Variants in DNM3 observed in about 807,000 individuals in gnomAD.
The protein encoded by DNM3 is dynamin-3.
Under a neutral mutation model 101.6 loss-of-function variants are expected in DNM3, and 47 were observed. That is an observed-to-expected ratio of 0.46 (90% CI 0.37 to 0.59). The LOEUF is 0.59. Ranked by LOEUF, DNM3 falls within the 20% of genes least tolerant of loss-of-function variation. The probability of loss-of-function intolerance (pLI) is 0.00; values close to 1 mark genes in which losing one functional copy is unlikely to be tolerated. For missense variants in DNM3, 849 were observed against 1,085.7 expected (o/e 0.78, Z 3.06); for synonymous variants, 385 against 387.9 (o/e 0.99, Z 0.09).
chr1:172,362,153 T>C (rs1558044041), intron 17 of DNM3, among the ~76,000 whole-genome samples: 1 of 152,088 alleles, frequency 6.6e-6, no homozygotes, highest in African/African-American at 2.4e-5. Context: ...AAAGAAAAAT[T>C]CCACTTTCAC....
intron 17 of DNM3, among the ~76,000 whole-genome samples, chr1:172,329,639 G>A (rs374740482): frequency 1.1e-4 from 16 of 152,016 alleles, no homozygotes; most frequent in South Asian, 1.0e-3. Context: ...TAAAGCTTTC[G>A]TATGAGACAG....
intron 14 of DNM3, among the ~76,000 whole-genome samples, chr1:172,190,693 T>C (rs1234406034): frequency 1.3e-5 from 2 of 152,212 alleles, no homozygotes; most frequent in East Asian, 3.8e-4. Context: ...TCCTGACTTT[T>C]TAATGATTGC....
At chr1:172,305,209 C>T (rs549419912) in intron 15 of DNM3, among the ~76,000 whole-genome samples, 13 of 151,966 alleles carry the variant, frequency 8.6e-5, no homozygotes, top group African/African-American at 2.4e-4. Context: ...ATATCATCAC[C>T]GATCCCACAG....
At chr1:172,357,572 G>A (rs1397926129) in intron 17 of DNM3, among the ~76,000 whole-genome samples, 1 of 151,952 alleles carries the variant, frequency 6.6e-6, no homozygotes, top group Non-Finnish European at 1.5e-5. Context: ...AAAAGACTGA[G>A]GTATTGCTCC....
chr1:172,300,421 T>C (rs1182788516), intron 15 of DNM3, among the ~76,000 whole-genome samples: 4 of 152,218 alleles, frequency 2.6e-5, no homozygotes, highest in Non-Finnish European at 5.9e-5. Context: ...ATTTTTATTT[T>C]TGTTGTAATT....
chr1:172,228,095 AC>A (rs1448755370), intron 14 of DNM3, among the ~76,000 whole-genome samples: 1 of 151,950 alleles, frequency 6.6e-6, no homozygotes, highest in Non-Finnish European at 1.5e-5. Flanking sequence ...TATTGCCAAT[AC>A]TTTTCTCAAT....
intron 1 of DNM3, among the ~76,000 whole-genome samples, chr1:171,862,433 G>A (rs2034274638): frequency 6.6e-6 from 1 of 152,110 alleles, no homozygotes. Flanking sequence ...TACTGATACA[G>A]GCATGCTACA....
At chr1:172,073,295 A>G (rs540938099) in intron 11 of DNM3, among the ~76,000 whole-genome samples, 1,062 of 77,156 alleles carry the variant, frequency 0.014, 19 homozygotes, top group African/African-American at 0.029. Flanking sequence ...ATATACACAT[A>G]TAAGTATATG....
intron 15 of DNM3, among the ~76,000 whole-genome samples, chr1:172,269,210 A>G (rs1326510887): frequency 6.6e-6 from 1 of 152,210 alleles, no homozygotes; most frequent in Non-Finnish European, 1.5e-5. Flanking sequence ...ACGGCTATGT[A>G]AAGTTCAAGA....
chr1:171,941,427 A>C (rs1257968048), intron 2 of DNM3, among the ~76,000 whole-genome samples: 1 of 152,230 alleles, frequency 6.6e-6, no homozygotes, highest in African/African-American at 2.4e-5. Flanking sequence ...ATATGAAGAA[A>C]TAATATGACT....
At chr1:172,269,891 G>A (rs956629684) in intron 15 of DNM3, among the ~76,000 whole-genome samples, 14 of 152,104 alleles carry the variant, frequency 9.2e-5, no homozygotes, top group African/African-American at 3.1e-4. Flanking sequence ...GCAGGATTGC[G>A]AAAATATCCC....
chr1:172,145,504 T>G (rs2148193165), intron 14 of DNM3, among the ~76,000 whole-genome samples: 1 of 152,080 alleles, frequency 6.6e-6, no homozygotes. Flanking sequence ...TTATAGCAAC[T>G]TCCTGAAAGT....
At chr1:172,348,404 C>T (rs1234325996) in intron 17 of DNM3, among the ~76,000 whole-genome samples, 2 of 152,040 alleles carry the variant, frequency 1.3e-5, no homozygotes, top group Admixed American at 6.5e-5. Context: ...TAAAAGAAGC[C>T]AGAAAGCTAG....
intron 2 of DNM3, among the ~76,000 whole-genome samples, chr1:171,938,717 A>C (rs1226174715): frequency 1.3e-5 from 2 of 152,204 alleles, no homozygotes; most frequent in Non-Finnish European, 2.9e-5. Context: ...CAGATACATC[A>C]TACATATATT....
At chr1:172,260,407 G>A (rs565800457) in intron 15 of DNM3, among the ~76,000 whole-genome samples, 1 of 151,940 alleles carries the variant, frequency 6.6e-6, no homozygotes, top group Non-Finnish European at 1.5e-5. Flanking sequence ...TTATTAAATA[G>A]GTTTTCTAAT....
intron 2 of DNM3, among the ~76,000 whole-genome samples, chr1:171,973,100 A>G (rs1036407459): frequency 6.6e-6 from 1 of 152,224 alleles, no homozygotes; most frequent in Admixed American, 6.5e-5. Context: ...TATTTTGGGA[A>G]ATGCCCATAT....
At chr1:172,216,194 G>T (rs886890085) in intron 14 of DNM3, among the ~76,000 whole-genome samples, 1 of 151,952 alleles carries the variant, frequency 6.6e-6, no homozygotes, top group Non-Finnish European at 1.5e-5. Flanking sequence ...AATCTATTGG[G>T]AAATCATATT....
intron 15 of DNM3, among the ~76,000 whole-genome samples, chr1:172,270,688 C>T (rs2063049476): frequency 6.6e-6 from 1 of 152,180 alleles, no homozygotes; most frequent in Non-Finnish European, 1.5e-5. Context: ...GTTAGTCACA[C>T]TCTGCAGCTA....
At chr1:172,184,076 CT>C (rs2059442172) in intron 14 of DNM3, among the ~76,000 whole-genome samples, 1 of 151,976 alleles carries the variant, frequency 6.6e-6, no homozygotes, top group Admixed American at 6.6e-5. Context: ...AATTTTATTT[CT>C]GCAAAGTAGC....
Sources: gnomAD v4.1 joint callset for allele counts (sites outside exome capture counted in the v4.1 genomes callset) on GRCh38, gnomAD v4.1.1 for gene constraint, MANE v1.5 for transcripts, NCBI Gene and HGNC (gene_info 2026-07-23, HGNC 2026-07-21) for gene names.